Variants in KAT6B observed in about 807,000 individuals in gnomAD.
KAT6B encodes the protein histone acetyltransferase KAT6B.
Under a neutral mutation model 187.5 loss-of-function variants are expected in KAT6B, and 10 were observed. The observed-to-expected ratio is 0.05, with a 90% confidence interval of 0.03 to 0.09. KAT6B has a LOEUF of 0.09. KAT6B is among the 10% of genes least tolerant of loss of function. The probability of loss-of-function intolerance (pLI) is 1.00; values close to 1 mark genes in which losing one functional copy is unlikely to be tolerated. For synonymous variants in KAT6B, 861 were observed against 926.8 expected, an observed-to-expected ratio of 0.93 and a Z score of 1.29; for missense variants, 1,952 against 2,558.9, an observed-to-expected ratio of 0.76 and a Z score of 5.12.
chr10:74,874,337 G>A (rs1047615003), intron 3 of KAT6B, among the ~76,000 whole-genome samples: 1 of 152,172 alleles, frequency 6.6e-6, no homozygotes, highest in Non-Finnish European at 1.5e-5. Context: ...TAGGCTGTAA[G>A]TCTGTCAGTT....
At position 74,970,152 on chromosome 10, in the gene KAT6B, T is replaced by A. The variant is rs1266811421; in HGVS notation, c.928+51T>A. ...TGTATTTTATTACATATTGGTTAGC[T>A]TTGTCCTGAGGTCTGACAGCTCAGA... On this transcript the variant is annotated intron_variant, in intron 6 of 17. Coordinates refer to ENST00000287239, the MANE Select transcript of KAT6B (RefSeq NM_012330.4). The A allele has an allele frequency of 2.1e-6, 3 of 1,422,476 alleles. No homozygotes were observed. In the South Asian group the frequency reaches 3.5e-5, roughly 16 times the overall value. The allele number at this position is 1,422,476 out of a possible 1,614,324, so 88.1% of individuals were successfully genotyped here.
At chr10:75,000,496 T>C (rs980678525) in intron 13 of KAT6B, among the ~76,000 whole-genome samples, 3 of 152,154 alleles carry the variant, frequency 2.0e-5, no homozygotes, top group African/African-American at 7.2e-5. Flanking sequence ...TTTTCTTTTT[T>C]ATCGGGGGCA....
chr10:74,904,670 A>G (rs779661457), intron 3 of KAT6B, among the ~76,000 whole-genome samples: 5 of 152,140 alleles, frequency 3.3e-5, no homozygotes, highest in Non-Finnish European at 5.9e-5. Flanking sequence ...CTGTGTTAAT[A>G]TATCCAGTCT....
chr10:74,879,356 C>T (rs1454289941), intron 3 of KAT6B, among the ~76,000 whole-genome samples: 1 of 152,174 alleles, frequency 6.6e-6, no homozygotes, highest in East Asian at 1.9e-4. Context: ...AGTCTTTCCC[C>T]ATATCCTCTG....
chr10:74,839,292 G>A (rs190876867), intron 2 of KAT6B, among the ~76,000 whole-genome samples: 126 of 149,914 alleles, frequency 8.4e-4, no homozygotes, highest in African/African-American at 2.9e-3. Flanking sequence ...GTACAATGGC[G>A]CAATCTCGAC....
At chr10:74,858,423 C>T (rs747768268) in intron 3 of KAT6B, among the ~76,000 whole-genome samples, 3 of 151,738 alleles carry the variant, frequency 2.0e-5, no homozygotes, top group African/African-American at 7.3e-5. Flanking sequence ...ACTACAGGGG[C>T]GTGTGCCACC....
intron 3 of KAT6B, among the ~76,000 whole-genome samples, chr10:74,936,473 AT>A (rs1371506626): frequency 6.6e-6 from 1 of 152,158 alleles, no homozygotes; most frequent in East Asian, 1.9e-4. Context: ...TTTTTAAAAA[AT>A]AATATACTAT....
chr10:74,882,003 A>G (rs1844886952), intron 3 of KAT6B, among the ~76,000 whole-genome samples: 3 of 152,198 alleles, frequency 2.0e-5, no homozygotes, highest in Admixed American at 2.0e-4. Flanking sequence ...AGGTTGACCT[A>G]GAAAGCACCC....
At chr10:74,836,329 A>G (rs879661933) in intron 1 of KAT6B, among the ~76,000 whole-genome samples, 2 of 152,164 alleles carry the variant, frequency 1.3e-5, no homozygotes, top group African/African-American at 2.4e-5. Context: ...TTGAGTCTAT[A>G]CCTAGAAATG....
intron 10 of KAT6B, 34 bp from the exon 11 acceptor site, chr10:74,981,753 T>C: frequency 7.2e-7 from 1 of 1,386,800 alleles, no homozygotes; most frequent in Non-Finnish European, 1.0e-6. Context: ...GTATAATCTA[T>C]CTGATAGATT....
rs11479404 is a variant in KAT6B at position 74,927,452 on chromosome 10, CTT to C, written c.622-32499_622-32498del. Among the ~76,000 whole-genome samples, 340 of 116,606 alleles carry C rather than the reference CTT, an allele frequency of 2.9e-3. 1 individual carries two copies. Among genetic ancestry groups the C allele is most frequent in the African/African-American group, 9.3e-3 (270 of 29,150 alleles). 76.5% of individuals were successfully genotyped at this position (116,606 alleles called of 152,430 possible). A position where few individuals can be genotyped will look rare whatever the true frequency, so the allele number is the denominator to read the frequency against. On this transcript the variant is annotated intron_variant, in intron 3 of 17. Coordinates refer to ENST00000287239, the MANE Select transcript of KAT6B (RefSeq NM_012330.4). ...CCAACCAGAGCCTGCTGCAAGAAAC[CTT>C]TTTTTTTTTTTTTTTTTTGGTTCTG...
In KAT6B at chr10:74,981,841, T is replaced by C; in HGVS notation, c.2286T>C (p.Asn762=). The change falls in exon 11 of 18, where the codon AAT becomes AAC. Residue 762 remains asparagine, a synonymous_variant. Transcript: ENST00000287239. ...GTCTTAAATATATGAAAAGTAAAAA[T>C]ATTTTGCTAAGACACTCCAAGAAGT... ...EFCLKYMKSK[N]ILLRHSKKCG... 1 of 1,589,230 alleles carries C rather than the reference T, an allele frequency of 6.3e-7. No individual in the cohort carries two copies. The highest frequency in any genetic ancestry group is 1.1e-5 in the South Asian group (1 of 90,558).
At chr10:74,930,831 A>C (rs1241026016) in intron 3 of KAT6B, among the ~76,000 whole-genome samples, 2 of 152,204 alleles carry the variant, frequency 1.3e-5, no homozygotes, top group African/African-American at 2.4e-5. Flanking sequence ...GAAGAATCTG[A>C]ATGTAGAGTT....
intron 3 of KAT6B, among the ~76,000 whole-genome samples, chr10:74,934,314 T>G (rs1312856813): frequency 1.3e-5 from 2 of 152,120 alleles, no homozygotes; most frequent in Non-Finnish European, 2.9e-5. Flanking sequence ...TTCTGAAAAC[T>G]TTATTGAATT....
intron 3 of KAT6B, among the ~76,000 whole-genome samples, chr10:74,877,282 A>ATG (rs1279154185): frequency 6.6e-6 from 1 of 152,172 alleles, no homozygotes; most frequent in Non-Finnish European, 1.5e-5. Flanking sequence ...ACTTTTAAAG[A>ATG]TGTGTAAATA....
At chr10:74,860,965 C>T (rs1187307741) in intron 3 of KAT6B, among the ~76,000 whole-genome samples, 1 of 152,102 alleles carries the variant, frequency 6.6e-6, no homozygotes, top group Non-Finnish European at 1.5e-5. Context: ...TGGAGAAACC[C>T]CGTCTCTACT....
At chr10:74,872,147 C>T (rs1025957239) in intron 3 of KAT6B, among the ~76,000 whole-genome samples, 2 of 152,156 alleles carry the variant, frequency 1.3e-5, no homozygotes, top group African/African-American at 4.8e-5. Flanking sequence ...TCAGTAGTTC[C>T]CTTCTCACAC....
intron 13 of KAT6B, among the ~76,000 whole-genome samples, chr10:75,002,416 CAG>C (rs1843906206): frequency 6.6e-6 from 1 of 151,408 alleles, no homozygotes; most frequent in Admixed American, 6.6e-5. Flanking sequence ...TAAGCAAGTG[CAG>C]AGTCATTTAT....
intron 3 of KAT6B, among the ~76,000 whole-genome samples, chr10:74,915,789 T>C (rs902764347): frequency 6.6e-6 from 1 of 152,218 alleles, no homozygotes; most frequent in African/African-American, 2.4e-5. Flanking sequence ...ACAGCTCCCA[T>C]ATTGCTGCTC....
Sources: gnomAD v4.1 joint callset for allele counts (sites outside exome capture counted in the v4.1 genomes callset) on GRCh38, gnomAD v4.1.1 for gene constraint, MANE v1.5 for transcripts, NCBI Gene and HGNC (gene_info 2026-07-23, HGNC 2026-07-21) for gene names.